Variants in SCAPER observed in about 807,000 individuals in gnomAD.
The protein encoded by SCAPER is S-phase cyclin A associated protein in the ER.
SCAPER carries 98 observed loss-of-function variants against 182.2 expected under a neutral mutation model. The ratio of observed to expected loss-of-function variants is 0.54; its 90% CI spans 0.46 to 0.64. The LOEUF is 0.64. Ranked by LOEUF, SCAPER falls within the 30% of genes least tolerant of loss-of-function variation. The probability of loss-of-function intolerance (pLI) is 0.00; values close to 1 mark genes in which losing one functional copy is unlikely to be tolerated. For missense variants in SCAPER, 1,432 were observed against 1,690.0 expected (o/e 0.85, Z 2.68); for synonymous variants, 605 against 564.6 (o/e 1.07, Z -1.01).
At position 76,680,590 on chromosome 15, in the gene SCAPER, G is replaced by A. The variant is rs556604659; in HGVS notation, c.2509-14801C>T. On this transcript the variant is annotated intron_variant, in intron 20 of 31. Coordinates refer to ENST00000563290, the MANE Select transcript of SCAPER (RefSeq NM_020843.4). ...ACTGGGAAGTTATTGGGTGATGGGG[G>A]TGGATGCCTTATGATTAGATAAAGG... Among the ~76,000 whole-genome samples the A allele has an allele frequency of 2.5e-4, 38 of 152,170 alleles. No homozygotes were observed. The South Asian group carries it at 6.0e-3, about 24-fold the overall frequency.
At chr15:76,510,715 A>C (rs765145829) in intron 23 of SCAPER, among the ~76,000 whole-genome samples, 10 of 152,264 alleles carry the variant, frequency 6.6e-5, no homozygotes, top group Non-Finnish European at 1.2e-4. Flanking sequence ...CAATTCCACT[A>C]CTGGGCATCT....
chr15:76,699,106 A>C (rs1567836027), intron 20 of SCAPER, among the ~76,000 whole-genome samples: 1 of 152,154 alleles, frequency 6.6e-6, no homozygotes, highest in Non-Finnish European at 1.5e-5. Context: ...ATTTTTCTAC[A>C]TTCATTTTGT....
intron 27 of SCAPER, among the ~76,000 whole-genome samples, chr15:76,394,317 T>G (rs1310159779): frequency 6.6e-6 from 1 of 152,072 alleles, no homozygotes; most frequent in Non-Finnish European, 1.5e-5. Context: ...TCACTGGAGG[T>G]GTTCAACAGA....
chr15:76,679,009 A>G (rs1285003844), intron 20 of SCAPER, among the ~76,000 whole-genome samples: 1 of 152,220 alleles, frequency 6.6e-6, no homozygotes, highest in Non-Finnish European at 1.5e-5. Context: ...CCAAGAAAAC[A>G]TTCCAACAGA....
At position 76,602,197 on chromosome 15, in the gene SCAPER, T is replaced by G. The variant is rs1248073670; in HGVS notation, c.2711+19567A>C. On this transcript the variant is annotated intron_variant, in intron 22 of 31. Transcript: ENST00000563290. Reference sequence around the variant, plus strand: ...AGAAAAATGTTATTTTATCTATGTTTATTCGTTCTTCAAAATTATTCCTTT... The same window carrying G: ...AGAAAAATGTTATTTTATCTATGTTGATTCGTTCTTCAAAATTATTCCTTT... 4.9e-5 allele frequency among the ~76,000 whole-genome samples: 6 copies of G among 121,926 alleles called. 2 individuals carry two copies. Among genetic ancestry groups the G allele is most frequent in the Non-Finnish European group, 1.0e-4 (5 of 50,160 alleles). The allele number at this position is 121,926 out of a possible 152,430, so 80.0% of individuals were successfully genotyped here.
chr15:76,363,907 T>C (rs2041626791), intron 29 of SCAPER, among the ~76,000 whole-genome samples: 1 of 152,186 alleles, frequency 6.6e-6, no homozygotes, highest in Non-Finnish European at 1.5e-5. Flanking sequence ...ACATTGCTCT[T>C]ACCAAGTTTG....
intron 1 of SCAPER, among the ~76,000 whole-genome samples, chr15:76,890,593 A>G (rs1440436169): frequency 6.6e-6 from 1 of 152,206 alleles, no homozygotes; most frequent in African/African-American, 2.4e-5. Flanking sequence ...TCCTGGACAC[A>G]TACACCTTCC....
intron 2 of SCAPER, among the ~76,000 whole-genome samples, chr15:76,880,456 A>G (rs2073460695): frequency 1.3e-5 from 2 of 152,250 alleles, no homozygotes. Flanking sequence ...GTACTATTAC[A>G]GTTCTGAATA....
intron 23 of SCAPER, among the ~76,000 whole-genome samples, chr15:76,562,880 T>C (rs1022788644): frequency 2.0e-5 from 3 of 152,152 alleles, no homozygotes; most frequent in African/African-American, 7.2e-5. Flanking sequence ...GACAAATTCA[T>C]ACAATGGCAC....
At chr15:76,353,899 G>C in intron 30 of SCAPER, 50 bp downstream of exon 30, 1 of 1,408,300 alleles carries the variant, frequency 7.1e-7, no homozygotes, top group Non-Finnish European at 9.3e-7. Context: ...CATTTCTGTC[G>C]CATTAGTTTA....
chr15:76,438,787 C>T (rs1394225005), intron 25 of SCAPER, among the ~76,000 whole-genome samples: 1 of 152,200 alleles, frequency 6.6e-6, no homozygotes, highest in Non-Finnish European at 1.5e-5. Context: ...AGTTCAAGCA[C>T]CGAAGCAAAT....
At chr15:76,755,253 T>C (rs1035245342) in intron 14 of SCAPER, among the ~76,000 whole-genome samples, 4 of 152,178 alleles carry the variant, frequency 2.6e-5, no homozygotes, top group Non-Finnish European at 4.4e-5. Context: ...AGAGACTGCT[T>C]TTCATATCAA....
intron 28 of SCAPER, among the ~76,000 whole-genome samples, chr15:76,378,336 T>C (rs1469752602): frequency 6.6e-6 from 1 of 152,250 alleles, no homozygotes; most frequent in African/African-American, 2.4e-5. Flanking sequence ...GGTCAGATCA[T>C]GCTGAGATGT....
At chr15:76,468,148 T>G (rs1304684537) in intron 25 of SCAPER, among the ~76,000 whole-genome samples, 1 of 152,034 alleles carries the variant, frequency 6.6e-6, no homozygotes, top group East Asian at 1.9e-4. Context: ...GAAAATACAC[T>G]CAAGTGATTT....
At chr15:76,787,691 C>T (rs769837254) in intron 8 of SCAPER, among the ~76,000 whole-genome samples, 6 of 152,074 alleles carry the variant, frequency 3.9e-5, no homozygotes, top group African/African-American at 1.2e-4. Context: ...TCACTTAAAA[C>T]GCACACTTTA....
chr15:76,652,369 C>CAT (rs1431041058), intron 21 of SCAPER, among the ~76,000 whole-genome samples: 4 of 13,694 alleles, frequency 2.9e-4, no homozygotes, highest in African/African-American at 6.4e-4. Context: ...CACACACACA[C>CAT]ACATATATAT....
In SCAPER at chr15:76,701,762, T is replaced by G. The variant is rs1391919470; in HGVS notation, c.2504A>C (p.Glu835Ala). 1 of 1,613,254 alleles carries G rather than the reference T, an allele frequency of 6.2e-7. No individual in the cohort carries two copies. The highest frequency in any genetic ancestry group is 1.1e-5 in the South Asian group (1 of 91,050). ...ATGAACAAAAATAAAGTTTACCACT[T>G]CTTCATCTGACAGTTCACGCCCCTG... Reference protein sequence around the residue: ...SIQGRELSDEEVEHLSLKKYI... With the variant: ...SIQGRELSDEAVEHLSLKKYI... Residue 835 changes from glutamate (E) to alanine (A), a missense_variant, in exon 20 of 32, where the codon GAA (glutamate) becomes GCA (alanine). Glu to Ala is a moderately radical substitution (Grantham distance 107, BLOSUM62 -1). Coordinates refer to ENST00000563290, the MANE Select transcript of SCAPER (RefSeq NM_020843.4).
chr15:76,876,777 C>T (rs2073194633), intron 2 of SCAPER, among the ~76,000 whole-genome samples: 1 of 152,106 alleles, frequency 6.6e-6, no homozygotes, highest in South Asian at 2.1e-4. Flanking sequence ...CTGAAAAAGA[C>T]AAGGATGCCT....
intron 2 of SCAPER, among the ~76,000 whole-genome samples, chr15:76,864,981 T>C (rs1313146630): frequency 6.6e-6 from 1 of 152,192 alleles, no homozygotes; most frequent in East Asian, 1.9e-4. Flanking sequence ...TGGCAGTAAA[T>C]ACTTCACTAT....
Sources: allele counts gnomAD v4.1 joint callset (sites outside exome capture counted in the v4.1 genomes callset), GRCh38; gene constraint gnomAD v4.1.1; transcripts MANE v1.5; gene names NCBI Gene and HGNC (gene_info 2026-07-23, HGNC 2026-07-21).